Variants in TBC1D32 observed in about 807,000 individuals in gnomAD.
TBC1D32 encodes protein broad-minded.
TBC1D32 carries 151 observed loss-of-function variants against 170.3 expected under a neutral mutation model. That is an observed-to-expected ratio of 0.89 (90% confidence interval 0.78 to 1.01). The LOEUF (loss-of-function observed/expected upper bound fraction) is 1.01. TBC1D32 is among the 50% of genes least tolerant of loss of function. The pLI, the probability that TBC1D32 is intolerant of heterozygous loss-of-function variation, is 0.00. For synonymous variants in TBC1D32, 498 were observed against 488.0 expected, an observed-to-expected ratio of 1.02 and a Z score of -0.27; for missense variants, 1,464 against 1,457.1, an observed-to-expected ratio of 1.00 and a Z score of -0.08.
chr6:121,112,760 T>G, intron 28 of TBC1D32, 101 bp from the exon 29 acceptor site: 1 of 1,062,466 alleles, frequency 9.4e-7, no homozygotes, highest in Non-Finnish European at 1.3e-6. Context: ...AAAGCAGACA[T>G]TCTTATTCTG....
At chr6:121,107,205 A>G (rs1374079279) in intron 29 of TBC1D32, among the ~76,000 whole-genome samples, 1 of 151,990 alleles carries the variant, frequency 6.6e-6, no homozygotes. Context: ...CAATTATATG[A>G]GTTGAAATAC....
At chr6:121,123,843 G>T (rs1780542998) in intron 26 of TBC1D32, among the ~76,000 whole-genome samples, 1 of 150,506 alleles carries the variant, frequency 6.6e-6, no homozygotes. Context: ...TTTTCTGCTA[G>T]TATTTTTTTT....
chr6:121,100,407 T>A (rs1019038667), intron 30 of TBC1D32, among the ~76,000 whole-genome samples: 1 of 151,996 alleles, frequency 6.6e-6, no homozygotes, highest in African/African-American at 2.4e-5. Context: ...AGTCTCAGTC[T>A]CTTTGTAGGT....
intron 1 of TBC1D32, among the ~76,000 whole-genome samples, chr6:121,328,267 G>C (rs1342644724): frequency 6.6e-6 from 1 of 151,432 alleles, no homozygotes; most frequent in East Asian, 1.9e-4. Flanking sequence ...GGTTTTTCTA[G>C]TTTTTTATTT....
chr6:121,281,335 T>C (rs1336387105), intron 14 of TBC1D32, among the ~76,000 whole-genome samples: 1 of 151,640 alleles, frequency 6.6e-6, no homozygotes, highest in Non-Finnish European at 1.5e-5. Flanking sequence ...TTAGATATTC[T>C]ATGTTCTTTC....
intron 26 of TBC1D32, among the ~76,000 whole-genome samples, chr6:121,116,667 T>C (rs1779714709): frequency 6.6e-6 from 1 of 152,202 alleles, no homozygotes; most frequent in African/African-American, 2.4e-5. Context: ...CAGTGGATTC[T>C]ATCAGGAAAC....
At chr6:121,301,725 T>A (rs1269437449) in intron 9 of TBC1D32, among the ~76,000 whole-genome samples, 1 of 152,122 alleles carries the variant, frequency 6.6e-6, no homozygotes, top group Non-Finnish European at 1.5e-5. Flanking sequence ...TTAAACAGAA[T>A]AATACAAGTC....
At chr6:121,263,794 C>T (rs536296250) in intron 15 of TBC1D32, among the ~76,000 whole-genome samples, 9 of 152,204 alleles carry the variant, frequency 5.9e-5, no homozygotes, top group South Asian at 2.1e-4. Context: ...CACCCAAAAC[C>T]ACACAAATAC....
chr6:121,255,970 A>G (rs1010653037), intron 16 of TBC1D32, 114 bp downstream of exon 16: 108 of 890,258 alleles, frequency 1.2e-4, no homozygotes, highest in Non-Finnish European at 1.8e-4. Context: ...TGTGATGCTA[A>G]AGAAGTCATA....
chr6:121,180,844 T>G (rs981437652), intron 22 of TBC1D32, among the ~76,000 whole-genome samples: 1 of 152,014 alleles, frequency 6.6e-6, no homozygotes, highest in Non-Finnish European at 1.5e-5. Context: ...CAATAAAAAT[T>G]TAATAAGCAT....
At chr6:121,137,442 T>G (rs559253688) in intron 24 of TBC1D32, among the ~76,000 whole-genome samples, 2 of 147,608 alleles carry the variant, frequency 1.4e-5, no homozygotes, top group Admixed American at 1.4e-4. Flanking sequence ...TTAAGACCAC[T>G]ATGATTTATA....
chr6:121,279,288 G>A lies in TBC1D32; in HGVS notation c.1609-43C>T, dbSNP rs764611736. On this transcript the variant is annotated intron_variant, in intron 14 of 31. Transcript: ENST00000398212. ...AACAAGACAAATCACATAATTTTAT[G>A]ACATGCTAACATATCACAGACTAAA... 2.5e-5 allele frequency: 39 copies of A among 1,588,772 alleles called. 1 individual carries two copies. The East Asian group carries it at 8.9e-4, about 36-fold the overall frequency.
intron 24 of TBC1D32, among the ~76,000 whole-genome samples, chr6:121,159,797 T>G (rs998224246): frequency 1.3e-5 from 2 of 152,192 alleles, no homozygotes; most frequent in African/African-American, 4.8e-5. Flanking sequence ...CTTTGTATAC[T>G]TGGTCCATCA....
intron 30 of TBC1D32, among the ~76,000 whole-genome samples, chr6:121,093,513 A>T (rs982431658): frequency 6.6e-6 from 1 of 152,146 alleles, no homozygotes; most frequent in Non-Finnish European, 1.5e-5. Flanking sequence ...GAATGAAAAT[A>T]AATACAAACG....
At position 121,287,498 on chromosome 6, in the gene TBC1D32, TA is replaced by T. The variant is rs564780902; in HGVS notation, c.1373-3589del. Among the ~76,000 whole-genome samples the T allele has an allele frequency of 2.6e-4, 39 of 152,208 alleles. No individual in the cohort carries two copies. The South Asian group carries it at 7.9e-3, about 31-fold the overall frequency. On this transcript the variant is annotated intron_variant, in intron 12 of 31. Coordinates refer to ENST00000398212, the MANE Select transcript of TBC1D32 (RefSeq NM_152730.6). ...CCCAATACAGGAGCACCCAGATTCA[TA>T]AAGAAAGTCCTTAGAGACCTACAAA...
At position 121,255,370 on chromosome 6, in the gene TBC1D32, C is replaced by A. The variant is rs954796464; in HGVS notation, c.1976G>T (p.Gly659Val). The stretch of plus-strand genomic sequence containing the variant: ...GCTTACTGAAGAAACAGAATCAGAA[C>A]CCTCTACTGGAGTAGGAATTCTTTC... ...LSERIPTPVE[G>V]SDSVSSVSQE... The change falls in exon 17 of 32, where the codon GGT (glycine) becomes GTT (valine). Residue 659 changes from glycine to valine, a missense_variant. Gly to Val is a moderately radical substitution (Grantham distance 109). This residue lies in a region of TBC1D32 where 1,363 missense variants were observed against 1,338.1 expected (regional missense o/e 1.02). Transcript: ENST00000398212. 2 of 1,543,460 alleles carry A rather than the reference C, an allele frequency of 1.3e-6. No individual in the cohort carries two copies. The highest frequency in any genetic ancestry group is 3.1e-5 in the African/African-American group (2 of 64,588).
At chr6:121,136,479 T>C (rs1423923209) in intron 24 of TBC1D32, among the ~76,000 whole-genome samples, 1 of 152,152 alleles carries the variant, frequency 6.6e-6, no homozygotes, top group Admixed American at 6.5e-5. Flanking sequence ...GAGAGTTTTA[T>C]TGGCATCAAG....
At chr6:121,229,814 G>T (rs553702144) in intron 20 of TBC1D32, among the ~76,000 whole-genome samples, 5 of 152,160 alleles carry the variant, frequency 3.3e-5, no homozygotes, top group African/African-American at 9.6e-5. Flanking sequence ...ATCTCAAATT[G>T]TAATCCCTAC....
intron 22 of TBC1D32, among the ~76,000 whole-genome samples, chr6:121,174,959 G>C (rs1787557711): frequency 6.6e-6 from 1 of 151,710 alleles, no homozygotes; most frequent in Non-Finnish European, 1.5e-5. Flanking sequence ...CTGAGCCCAG[G>C]GGGTCGAGGT....
Sources: allele counts gnomAD v4.1 joint callset (sites outside exome capture counted in the v4.1 genomes callset), GRCh38; gene constraint gnomAD v4.1.1; regional missense constraint gnomAD v4.1.1; transcripts MANE v1.5; gene names NCBI Gene and HGNC (gene_info 2026-07-23, HGNC 2026-07-21).